The following RAF1 variants were observed in gnomAD, a reference collection of about 807,000 sequenced individuals.
RAF1 encodes RAF proto-oncogene serine/threonine-protein kinase.
RAF1 carries 27 observed loss-of-function variants against 81.1 expected under a neutral mutation model. The ratio of observed to expected loss-of-function variants is 0.33; its 90% CI spans 0.25 to 0.46. RAF1 has a LOEUF of 0.46. Among genes scored for constraint, RAF1 ranks in the 20% least tolerant of loss-of-function variants. RAF1 has a pLI of 1.00. For missense variants in RAF1, 598 were observed against 826.0 expected (o/e 0.72, Z 3.38); for synonymous variants, 298 against 294.0 (o/e 1.01, Z -0.14).
chr3:12,636,825 GA>G (rs1224965267), intron 1 of RAF1, among the ~76,000 whole-genome samples: 3 of 151,744 alleles, frequency 2.0e-5, no homozygotes, highest in Non-Finnish European at 4.4e-5. Flanking sequence ...AAGAAAGAAA[GA>G]AAAAATATTT....
intron 1 of RAF1, among the ~76,000 whole-genome samples, chr3:12,619,567 C>CA (rs544916552): frequency 0.047 from 3,762 of 80,854 alleles, 48 homozygotes; most frequent in Admixed American, 0.086. Flanking sequence ...CTCCATCTCC[C>CA]AAAAAAAAAA....
intron 3 of RAF1, among the ~76,000 whole-genome samples, chr3:12,609,823 A>G (rs967641456): frequency 2.2e-4 from 34 of 152,284 alleles, no homozygotes; most frequent in African/African-American, 7.5e-4. Context: ...AAATCTCACA[A>G]TAAAGTCAAT....
intron 2 of RAF1, among the ~76,000 whole-genome samples, chr3:12,612,695 A>C (rs2059252669): frequency 6.6e-6 from 1 of 152,088 alleles, no homozygotes; most frequent in Admixed American, 6.6e-5. Context: ...ATGTTATACA[A>C]GTGGAAAGAT....
intron 14 of RAF1, among the ~76,000 whole-genome samples, chr3:12,586,268 C>T (rs1458306092): frequency 6.6e-6 from 1 of 152,114 alleles, no homozygotes; most frequent in African/African-American, 2.4e-5. Flanking sequence ...AATAGCAAAT[C>T]CCTTACTGAG....
intron 1 of RAF1, among the ~76,000 whole-genome samples, chr3:12,623,187 GC>G (rs2059600277): frequency 6.6e-6 from 1 of 152,044 alleles, no homozygotes; most frequent in African/African-American, 2.4e-5. Context: ...CACCCAGCTT[GC>G]AATAGATTTT....
Position 12,606,906 on chromosome 3 carries a change from G to A in RAF1, c.582-607C>T, listed in dbSNP as rs549260250. On this transcript the variant is annotated intron_variant, in intron 5 of 17. Transcript: ENST00000442415. Reference sequence around the variant, plus strand: ...GGGTTTCACTATGTTGGCCAGGCTGGTCTCGAACTCCTGACCTCAGGTGAT... The same window carrying A: ...GGGTTTCACTATGTTGGCCAGGCTGATCTCGAACTCCTGACCTCAGGTGAT... Among the ~76,000 whole-genome samples the A allele has an allele frequency of 2.9e-4, 44 of 152,066 alleles. 1 individual carries two copies. The highest frequency in any genetic ancestry group is 5.9e-4 in the Admixed American group (9 of 15,274).
intron 1 of RAF1, among the ~76,000 whole-genome samples, chr3:12,635,637 CAAAAAAAAAAAAA>C (rs34576938): frequency 9.6e-5 from 7 of 73,290 alleles, no homozygotes; most frequent in African/African-American, 3.1e-4. Flanking sequence ...ACTCCAGCTC[CAAAAAAAAAAAAA>C]AAAAAAAAAA....
intron 1 of RAF1, among the ~76,000 whole-genome samples, chr3:12,654,254 C>G (rs779030981): frequency 1.1e-4 from 17 of 151,904 alleles, no homozygotes; most frequent in Non-Finnish European, 1.9e-4. Context: ...TCCCAAAGTG[C>G]TGGGATTATA....
chr3:12,646,090 C>T (rs543340917), intron 1 of RAF1, among the ~76,000 whole-genome samples: 45 of 152,148 alleles, frequency 3.0e-4, no homozygotes, highest in African/African-American at 1.0e-3. Flanking sequence ...TATAACTTAT[C>T]CTTTCTTTTT....
At chr3:12,646,521 G>A (rs114194724) in intron 1 of RAF1, among the ~76,000 whole-genome samples, 3,344 of 150,794 alleles carry the variant, frequency 0.022, 60 homozygotes, top group African/African-American at 0.04. Context: ...CTACAGGTGC[G>A]CACCACCAAC....
In RAF1 at chr3:12,622,147, G is replaced by A. The variant is rs186246003; in HGVS notation, c.-26-3400C>T. Among the ~76,000 whole-genome samples, 45 of 152,168 alleles carry A rather than the reference G, an allele frequency of 3.0e-4. 1 individual carries two copies. Among genetic ancestry groups the A allele is most frequent in the Admixed American group, 5.9e-4 (9 of 15,262 alleles). On this transcript the variant is annotated intron_variant, in intron 1 of 17. Coordinates refer to ENST00000442415, the MANE Select transcript of RAF1 (RefSeq NM_001354689.3). ...AGGTTACTATGAGGTCCCTTTTTAGGAGTACATACAGCTCCTCTTTTTTCT... is the reference window on the plus strand; with the variant it reads ...AGGTTACTATGAGGTCCCTTTTTAGAAGTACATACAGCTCCTCTTTTTTCT...
At chr3:12,650,867 G>A (rs936295302) in intron 1 of RAF1, among the ~76,000 whole-genome samples, 1 of 152,170 alleles carries the variant, frequency 6.6e-6, no homozygotes, top group Non-Finnish European at 1.5e-5. Flanking sequence ...ATGTGGTAAG[G>A]TCACTTCTAG....
Position 12,609,348 on chromosome 3 carries a change from T to A in RAF1, c.321-13A>T, listed in dbSNP as rs763179442. The A allele has an allele frequency of 3.9e-6, 6 of 1,551,028 alleles. No individual in the cohort carries two copies. The East Asian group carries it at 9.0e-5, about 23-fold the overall frequency. On this transcript the variant is annotated splice_polypyrimidine_tract_variant and intron_variant, in intron 3 of 17. Coordinates refer to ENST00000442415, the MANE Select transcript of RAF1 (RefSeq NM_001354689.3). ...GCGTGCTTTTTTACTAGAAAGGATT[T>A]AAAAAAAACATGAAATGTTTAAACA...
At chr3:12,613,422 C>G (rs60953453) in intron 2 of RAF1, among the ~76,000 whole-genome samples, 3 of 143,640 alleles carry the variant, frequency 2.1e-5, no homozygotes, top group Non-Finnish European at 4.6e-5. Flanking sequence ...CCCCGCCATC[C>G]CCCCCCACAC....
chr3:12,644,365 T>C (rs1046383728), intron 1 of RAF1, among the ~76,000 whole-genome samples: 2 of 152,190 alleles, frequency 1.3e-5, no homozygotes, highest in Non-Finnish European at 1.5e-5. Flanking sequence ...GAACACCCAC[T>C]TAAGTTTTCT....
intron 1 of RAF1, among the ~76,000 whole-genome samples, chr3:12,634,426 C>T (rs1362288255): frequency 1.3e-5 from 2 of 151,982 alleles, no homozygotes; most frequent in African/African-American, 4.8e-5. Flanking sequence ...GCTGGGATTA[C>T]GGGCTTGAGC....
intron 1 of RAF1, among the ~76,000 whole-genome samples, chr3:12,649,454 C>T (rs1339997101): frequency 6.6e-6 from 1 of 152,068 alleles, no homozygotes; most frequent in Non-Finnish European, 1.5e-5. Flanking sequence ...ACAAAATTAG[C>T]TGGGCATGGT....
At chr3:12,628,658 A>T (rs1326791252) in intron 1 of RAF1, among the ~76,000 whole-genome samples, 1 of 147,730 alleles carries the variant, frequency 6.8e-6, no homozygotes, top group Non-Finnish European at 1.5e-5. Flanking sequence ...CTTATTTATC[A>T]TTCAAATTTC....
chr3:12,663,949 AG>A lies in RAF1; in HGVS notation c.-164del. On this transcript the variant is annotated 5_prime_UTR_variant, in exon 1 of 18. The change abolishes the stop of an existing upstream ORF in the 5' untranslated region. Coordinates refer to ENST00000442415, the MANE Select transcript of RAF1 (RefSeq NM_001354689.3). ...CAGCCCAGGGGACGGAGCCCCGAGC[AG>A]CCCCCGCATCGTAGCAAACGCGCTC... is the stretch of plus-strand genomic sequence containing the variant. The A allele has an allele frequency of 2.5e-6, 1 of 398,432 alleles. No homozygotes were observed. The highest frequency in any genetic ancestry group is 4.4e-6 in the Non-Finnish European group (1 of 225,904). 24.7% of individuals were successfully genotyped at this position (398,432 alleles called of 1,614,324 possible).
Sources: allele counts gnomAD v4.1 joint callset (sites outside exome capture counted in the v4.1 genomes callset), GRCh38; gene constraint gnomAD v4.1.1; transcripts MANE v1.5; gene names NCBI Gene and HGNC (gene_info 2026-07-23, HGNC 2026-07-21).